Variants in SLC35F2 observed in about 807,000 individuals in gnomAD.
SLC35F2 encodes the protein solute carrier family 35 member F2, also known as queuine/queuosine transporter SLC35F2.
Under a neutral mutation model 38.1 loss-of-function variants are expected in SLC35F2, and 25 were observed. The observed-to-expected ratio is 0.66, with a 90% CI of 0.48 to 0.92. The LOEUF is 0.92. Ranked by LOEUF, SLC35F2 falls within the 40% of genes least tolerant of loss-of-function variation. The pLI is 0.00. For missense variants in SLC35F2, 409 were observed against 452.9 expected (o/e 0.90, Z 0.88); for synonymous variants, 173 against 181.7 (o/e 0.95, Z 0.38).
chr11:107,848,308 C>T (rs1860128562), intron 1 of SLC35F2, among the ~76,000 whole-genome samples: 1 of 152,118 alleles, frequency 6.6e-6, no homozygotes. Flanking sequence ...GGAGGAGGGG[C>T]AGCAGTTTGA....
At chr11:107,807,702 G>A (rs1369163189) in intron 3 of SLC35F2, among the ~76,000 whole-genome samples, 1 of 151,868 alleles carries the variant, frequency 6.6e-6, no homozygotes, top group Non-Finnish European at 1.5e-5. Context: ...GCCTCCCAAG[G>A]AGCTGGGATT....
intron 1 of SLC35F2, among the ~76,000 whole-genome samples, chr11:107,844,057 T>G (rs940757345): frequency 2.0e-5 from 3 of 151,874 alleles, no homozygotes; most frequent in African/African-American, 7.3e-5. Flanking sequence ...ATATACTCTT[T>G]GCCATCCCTA....
chr11:107,805,657 A>AGT (rs143463654), intron 4 of SLC35F2, 142 bp from the exon 5 acceptor site: 35,736 of 1,435,012 alleles, frequency 0.025, 290 homozygotes, highest in Non-Finnish European at 0.03. Flanking sequence ...TATGTGTGAG[A>AGT]GTGTGTGTGT....
chr11:107,832,040 AT>A (rs149644022), intron 1 of SLC35F2, among the ~76,000 whole-genome samples: 6,868 of 150,788 alleles, frequency 0.046, 273 homozygotes, highest in African/African-American at 0.11. Context: ...TTGGCAAAAT[AT>A]TTTTTTTTTC....
intron 7 of SLC35F2, among the ~76,000 whole-genome samples, chr11:107,797,521 C>T (rs1859239466): frequency 6.6e-6 from 1 of 151,632 alleles, no homozygotes; most frequent in South Asian, 2.1e-4. Context: ...GACCCTATCG[C>T]TAAAAAGAAA....
chr11:107,839,186 C>T (rs117330650), intron 1 of SLC35F2, among the ~76,000 whole-genome samples: 33 of 152,240 alleles, frequency 2.2e-4, no homozygotes, highest in East Asian at 7.7e-4. Context: ...TCTGGCTGGA[C>T]GCAGTGACTC....
rs1859399504 is a variant in SLC35F2, at chr11:107,806,795, T to C, written c.496A>G (p.Ile166Val). 1 of 1,614,060 alleles carries C rather than the reference T, an allele frequency of 6.2e-7. No homozygotes were observed. Among genetic ancestry groups the C allele is most frequent in the Middle Eastern group, 1.7e-4 (1 of 6,060 alleles). ...CCCAACAGACAGACAGCCACGGCGA[T>C]GAAGTGGATCACTCTGTATCTTGCA... ...LHARYRVIHF[I>V]AVAVCLLGVG... Residue 166 changes from isoleucine to valine, a missense_variant, in exon 4 of 8, where the codon ATC becomes GTC. By Grantham distance (29) the Ile-to-Val change is conservative. Coordinates refer to ENST00000525815, the MANE Select transcript of SLC35F2 (RefSeq NM_017515.5).
At chr11:107,813,110 A>G (rs1859508027) in intron 2 of SLC35F2, among the ~76,000 whole-genome samples, 1 of 152,188 alleles carries the variant, frequency 6.6e-6, no homozygotes. Context: ...ATCATAACCA[A>G]ATAATTATCA....
At chr11:107,843,869 ATATATATATATATAT>A (rs372521196) in intron 1 of SLC35F2, among the ~76,000 whole-genome samples, 16 of 37,654 alleles carry the variant, frequency 4.2e-4, no homozygotes, top group African/African-American at 1.5e-3. Context: ...AAAAAAAAAA[ATATATATATATATAT>A]ATATATATAT....
chr11:107,848,595 T>C (rs1445366833), intron 1 of SLC35F2, among the ~76,000 whole-genome samples: 1 of 152,182 alleles, frequency 6.6e-6, no homozygotes, highest in African/African-American at 2.4e-5. Flanking sequence ...CAGCTGACTA[T>C]GAACCAAAGG....
intron 6 of SLC35F2, among the ~76,000 whole-genome samples, chr11:107,804,404 C>T (rs183080477): frequency 3.9e-5 from 6 of 152,228 alleles, no homozygotes; most frequent in East Asian, 1.9e-4. Flanking sequence ...AGACAACCTT[C>T]GCAAGAAGTT....
Position 107,825,605 on chromosome 11 carries a change from G to A in SLC35F2, c.111-9640C>T, listed in dbSNP as rs1204220135. Among the ~76,000 whole-genome samples the A allele has an allele frequency of 2.6e-5, 4 of 151,846 alleles. No homozygotes were observed. The East Asian group carries it at 5.8e-4, about 22-fold the overall frequency. On this transcript the variant is annotated intron_variant, in intron 1 of 7. Transcript: ENST00000525815. The stretch of plus-strand genomic sequence containing the variant: ...AGGCTGGTCTCAAACTCCTGACCTC[G>A]TGATCCGCCCACCTCGGCCCCCCAA...
At chr11:107,805,833 T>G (rs1462574186) in intron 4 of SLC35F2, among the ~76,000 whole-genome samples, 1 of 152,148 alleles carries the variant, frequency 6.6e-6, no homozygotes, top group Non-Finnish European at 1.5e-5. Flanking sequence ...CCCTCCATCA[T>G]GCCTGGCTAA....
At chr11:107,811,971 G>A (rs1359175329) in intron 2 of SLC35F2, among the ~76,000 whole-genome samples, 177 bp from the exon 3 acceptor site, 1 of 151,506 alleles carries the variant, frequency 6.6e-6, no homozygotes, top group African/African-American at 2.4e-5. Context: ...GCACAATCTC[G>A]GCTCACTGCA....
chr11:107,850,249 G>T (rs1289182591), intron 1 of SLC35F2, among the ~76,000 whole-genome samples: 1 of 152,158 alleles, frequency 6.6e-6, no homozygotes, highest in African/African-American at 2.4e-5. Flanking sequence ...TATGAGAGTG[G>T]TCATCACAGT....
intron 4 of SLC35F2, among the ~76,000 whole-genome samples, chr11:107,806,363 T>A (rs562620463): frequency 6.6e-6 from 1 of 152,356 alleles, no homozygotes; most frequent in South Asian, 2.1e-4. Context: ...TTCACAGACC[T>A]TAATTAGATT....
intron 1 of SLC35F2, among the ~76,000 whole-genome samples, chr11:107,838,951 CA>C (rs561615817): frequency 5.2e-4 from 79 of 152,012 alleles, no homozygotes; most frequent in African/African-American, 1.9e-3. Flanking sequence ...TTAAATATCA[CA>C]AAAACTCTTG....
intron 1 of SLC35F2, among the ~76,000 whole-genome samples, chr11:107,849,194 T>C (rs1860138539): frequency 6.6e-6 from 1 of 152,170 alleles, no homozygotes; most frequent in African/African-American, 2.4e-5. Flanking sequence ...TCTCATTTGA[T>C]GACAGCCATT....
intron 1 of SLC35F2, among the ~76,000 whole-genome samples, chr11:107,828,567 C>A (rs140404591): frequency 6.6e-6 from 1 of 152,000 alleles, no homozygotes; most frequent in Non-Finnish European, 1.5e-5. Flanking sequence ...TTATCCTGCC[C>A]TTCTTATACA....
Sources: allele counts gnomAD v4.1 joint callset (sites outside exome capture counted in the v4.1 genomes callset), GRCh38; gene constraint gnomAD v4.1.1; transcripts MANE v1.5; gene names NCBI Gene and HGNC (gene_info 2026-07-23, HGNC 2026-07-21).